The following RPS6KA5 variants were observed in gnomAD, a reference collection of about 807,000 sequenced individuals.
RPS6KA5 encodes ribosomal protein S6 kinase A5.
In RPS6KA5, 27 loss-of-function variants were observed where a neutral mutation model predicts 85.5. The ratio of observed to expected loss-of-function variants is 0.32; its 90% CI spans 0.23 to 0.44. The LOEUF is 0.44. Ranked by LOEUF, RPS6KA5 falls within the 20% of genes least tolerant of loss-of-function variation. The probability of loss-of-function intolerance (pLI) is 1.00; values close to 1 mark genes in which losing one functional copy is unlikely to be tolerated. For missense variants in RPS6KA5, 811 were observed against 980.9 expected, an observed-to-expected ratio of 0.83 and a Z score of 2.31; for synonymous variants, 334 against 348.2, an observed-to-expected ratio of 0.96 and a Z score of 0.46.
chr14:90,878,924 G>C (rs1407680760), intron 14 of RPS6KA5, among the ~76,000 whole-genome samples: 2 of 152,200 alleles, frequency 1.3e-5, no homozygotes, highest in African/African-American at 4.8e-5. Context: ...TTGGGCCATA[G>C]GTTTCAGTTG....
At chr14:90,954,830 CTT>C (rs2038416676) in intron 3 of RPS6KA5, among the ~76,000 whole-genome samples, 1 of 152,154 alleles carries the variant, frequency 6.6e-6, no homozygotes, top group South Asian at 2.1e-4. Context: ...CCTGGAATGT[CTT>C]TATTTCATAT....
intron 2 of RPS6KA5, among the ~76,000 whole-genome samples, chr14:90,983,811 C>G (rs144555373): frequency 0.049 from 5,627 of 114,216 alleles, 215 homozygotes; most frequent in African/African-American, 0.12. Flanking sequence ...CTCTCTCTCT[C>G]TCTCTGTCTC....
intron 2 of RPS6KA5, among the ~76,000 whole-genome samples, chr14:90,983,787 T>TTC (rs770148887): frequency 0.13 from 16,268 of 129,218 alleles, 1,264 homozygotes; most frequent in Admixed American, 0.24. Flanking sequence ...CTTTCTTTCT[T>TTC]TCTCTCTCTC....
chr14:90,903,340 G>A (rs944223236), intron 8 of RPS6KA5, among the ~76,000 whole-genome samples: 1 of 152,092 alleles, frequency 6.6e-6, no homozygotes, highest in Non-Finnish European at 1.5e-5. Context: ...TGAAATAAAG[G>A]GTTTCCAAAG....
intron 1 of RPS6KA5, among the ~76,000 whole-genome samples, chr14:91,012,916 C>T (rs1398589411): frequency 6.6e-6 from 1 of 152,168 alleles, no homozygotes. Context: ...CTCACCTATC[C>T]CTGACCTTAC....
At chr14:91,008,408 G>A (rs2041121581) in intron 1 of RPS6KA5, among the ~76,000 whole-genome samples, 1 of 152,198 alleles carries the variant, frequency 6.6e-6, no homozygotes, top group East Asian at 1.9e-4. Flanking sequence ...CAGGCCTGTG[G>A]AGTATGTGGA....
chr14:90,978,571 CA>C, intron 2 of RPS6KA5, 47 bp from the exon 3 acceptor site: 1 of 1,411,088 alleles, frequency 7.1e-7, no homozygotes, highest in Non-Finnish European at 9.6e-7. Context: ...GCTACACAGG[CA>C]AAATGGTAAT....
intron 1 of RPS6KA5, among the ~76,000 whole-genome samples, chr14:91,040,542 A>G (rs2042568712): frequency 6.6e-6 from 1 of 152,198 alleles, no homozygotes; most frequent in Non-Finnish European, 1.5e-5. Context: ...GCTAGAAGTG[A>G]TAAGAAACTC....
intron 8 of RPS6KA5, 100 bp downstream of exon 8, chr14:90,906,049 T>C (rs1037360471): frequency 3.4e-6 from 4 of 1,172,774 alleles, no homozygotes; most frequent in Non-Finnish European, 4.7e-6. Context: ...CAGTGGAAAA[T>C]GATCCCAAAG....
chr14:90,934,644 C>T (rs1390236905), intron 5 of RPS6KA5, among the ~76,000 whole-genome samples: 1 of 152,042 alleles, frequency 6.6e-6, no homozygotes, highest in East Asian at 1.9e-4. Flanking sequence ...TGTTGTTACT[C>T]ACACTGAATC....
chr14:90,984,296 T>C (rs1043211412), intron 2 of RPS6KA5, among the ~76,000 whole-genome samples: 6 of 152,258 alleles, frequency 3.9e-5, no homozygotes, highest in Non-Finnish European at 7.3e-5. Flanking sequence ...GCTTGGCTGA[T>C]ATTTGAGACC....
At position 90,873,671 on chromosome 14, in the gene RPS6KA5, G is replaced by A. The variant is rs142908236; in HGVS notation, c.2121C>T (p.Ser707=). The stretch of plus-strand genomic sequence containing the variant: ...TCACACAGGTATGCACGGCAGCTCC[G>A]GAAGATCCTAGAATATCCGGAGTCA... The part of the protein sequence containing the change: ...PLMTPDILGS[S]GAAVHTCVKA... Residue 707 remains serine, a synonymous_variant, in exon 16 of 17, where the codon TCC becomes TCT. Transcript: ENST00000614987. 63 of 1,614,112 alleles carry A rather than the reference G, an allele frequency of 3.9e-5. No individual in the cohort carries two copies. Among genetic ancestry groups the A allele is most frequent in the Admixed American group, 3.5e-4 (21 of 60,012 alleles).
chr14:90,950,585 G>A (rs770199067), intron 3 of RPS6KA5, among the ~76,000 whole-genome samples: 2 of 152,156 alleles, frequency 1.3e-5, no homozygotes, highest in South Asian at 4.1e-4. Flanking sequence ...TTTGTTGAGC[G>A]TTATTATGAA....
intron 2 of RPS6KA5, among the ~76,000 whole-genome samples, chr14:90,978,747 AATT>A (rs2039671173): frequency 6.6e-6 from 1 of 152,158 alleles, no homozygotes. Flanking sequence ...CTGATGACAA[AATT>A]ATGCTTTTAC....
At chr14:90,985,114 T>C (rs2040004902) in intron 2 of RPS6KA5, among the ~76,000 whole-genome samples, 2 of 152,136 alleles carry the variant, frequency 1.3e-5, no homozygotes, top group Admixed American at 1.3e-4. Context: ...TCTAATTTTT[T>C]GTATTTTTAG....
chr14:91,053,448 A>G (rs1209299259), intron 1 of RPS6KA5, among the ~76,000 whole-genome samples: 1 of 152,234 alleles, frequency 6.6e-6, no homozygotes. Context: ...AATCTTATAA[A>G]TAGAAAATCC....
At chr14:90,890,788 G>A in intron 13 of RPS6KA5, 110 bp from the exon 14 acceptor site, 10 of 965,496 alleles carry the variant, frequency 1.0e-5, no homozygotes, top group Non-Finnish European at 1.4e-5. Context: ...GTGCAGAGAG[G>A]TCTCATGGGG....
chr14:91,038,465 G>A (rs930045366), intron 1 of RPS6KA5, among the ~76,000 whole-genome samples: 11 of 152,160 alleles, frequency 7.2e-5, no homozygotes, highest in African/African-American at 2.7e-4. Flanking sequence ...TGGAACCCAT[G>A]AGGACAAACA....
intron 1 of RPS6KA5, among the ~76,000 whole-genome samples, chr14:91,024,322 C>T (rs2139808794): frequency 6.6e-6 from 1 of 151,818 alleles, no homozygotes; most frequent in Admixed American, 6.6e-5. Context: ...TGTTATGTTT[C>T]TCTTTTTATA....
Sources: gnomAD v4.1 joint callset for allele counts (sites outside exome capture counted in the v4.1 genomes callset) on GRCh38, gnomAD v4.1.1 for gene constraint, MANE v1.5 for transcripts, NCBI Gene and HGNC (gene_info 2026-07-23, HGNC 2026-07-21) for gene names.